CDH7: variants seen among roughly 807,000 people sequenced by gnomAD.
CDH7 encodes cadherin-7.
CDH7 carries 25 observed loss-of-function variants against 71.8 expected under a neutral mutation model. That is an observed-to-expected ratio of 0.35 (90% CI 0.25 to 0.49). The LOEUF (loss-of-function observed/expected upper bound fraction) is 0.49, where lower values mean the gene tolerates loss of function less well. Among genes scored for constraint, CDH7 ranks in the 20% least tolerant of loss-of-function variants. CDH7 has a pLI of 0.99. For synonymous variants in CDH7, 381 were observed against 363.8 expected, an observed-to-expected ratio of 1.05 and a Z score of -0.54; for missense variants, 862 against 974.6, an observed-to-expected ratio of 0.88 and a Z score of 1.54.
chr18:65,752,918 G>A (rs1170908851), intron 1 of CDH7, among the ~76,000 whole-genome samples: 3 of 152,190 alleles, frequency 2.0e-5, no homozygotes, highest in Admixed American at 6.5e-5. Flanking sequence ...GGCTGCAAGA[G>A]GTCATTAGAA....
chr18:65,797,562 TG>T (rs1910962309), intron 2 of CDH7, among the ~76,000 whole-genome samples: 1 of 152,166 alleles, frequency 6.6e-6, no homozygotes, highest in Non-Finnish European at 1.5e-5. Context: ...TTAGGTCACC[TG>T]GGGCAGAGTA....
Position 65,886,268 on chromosome 18 carries a change from G to T in CDH7, c.*5374G>T, listed in dbSNP as rs146767913. On this transcript the variant is annotated 3_prime_UTR_variant, in exon 12 of 12. Coordinates refer to ENST00000397968, the MANE Select transcript of CDH7 (RefSeq NM_004361.5). ...GAAATAATGGGAATTATATAAAAAG[G>T]TTGATAATTGTTATATGGTAAACAG... is the stretch of plus-strand genomic sequence containing the variant. The T allele has an allele frequency of 2.6e-5, 4 of 152,238 alleles. No individual in the cohort carries two copies. Among genetic ancestry groups the T allele is most frequent in the Non-Finnish European group, 5.9e-5 (4 of 68,000 alleles). The allele number at this position is 152,238 out of a possible 1,614,324, so 9.4% of individuals were successfully genotyped here.
chr18:65,833,099 T>A (rs1455953491), intron 6 of CDH7, among the ~76,000 whole-genome samples: 1 of 152,196 alleles, frequency 6.6e-6, no homozygotes, highest in Non-Finnish European at 1.5e-5. Flanking sequence ...ATCCATACCC[T>A]ATGAAAGGCT....
intron 2 of CDH7, among the ~76,000 whole-genome samples, chr18:65,798,838 G>A (rs1308497693): frequency 6.6e-6 from 1 of 152,188 alleles, no homozygotes; most frequent in Non-Finnish European, 1.5e-5. Context: ...TAGCTGAGAT[G>A]TGTTGGCCAC....
intron 11 of CDH7, among the ~76,000 whole-genome samples, chr18:65,878,819 G>C (rs995566779): frequency 6.6e-6 from 1 of 152,126 alleles, no homozygotes; most frequent in Non-Finnish European, 1.5e-5. Context: ...AGCATGAGAA[G>C]GTGGCCAGAA....
intron 6 of CDH7, among the ~76,000 whole-genome samples, chr18:65,839,124 C>G (rs1912636805): frequency 1.3e-5 from 2 of 152,150 alleles, no homozygotes; most frequent in Non-Finnish European, 2.9e-5. Flanking sequence ...CATGTAGTAT[C>G]TGTGCTCTTT....
At chr18:65,861,339 T>TTG (rs949855579) in intron 10 of CDH7, among the ~76,000 whole-genome samples, 6 of 21,432 alleles carry the variant, frequency 2.8e-4, no homozygotes, top group African/African-American at 7.0e-4. Flanking sequence ...GTGTGTGTGT[T>TTG]TGTGTGTGTG....
chr18:65,814,774 ATATTT>A (rs1473117685), intron 4 of CDH7, among the ~76,000 whole-genome samples, 170 bp downstream of exon 4: 1 of 151,328 alleles, frequency 6.6e-6, no homozygotes. Flanking sequence ...CCTTTTAAAA[ATATTT>A]TATTTTATTC....
At chr18:65,805,831 T>A (rs1911297004) in intron 2 of CDH7, among the ~76,000 whole-genome samples, 1 of 152,172 alleles carries the variant, frequency 6.6e-6, no homozygotes, top group Admixed American at 6.5e-5. Context: ...AAACGTTTAA[T>A]GAGGGGTGTG....
intron 7 of CDH7, among the ~76,000 whole-genome samples, chr18:65,852,665 TTAGATA>T (rs1353631027): frequency 6.6e-6 from 1 of 152,078 alleles, no homozygotes; most frequent in Non-Finnish European, 1.5e-5. Context: ...TTTTCAAAAC[TTAGATA>T]TAAAGACATC....
chr18:65,853,906 CATATATATATATATATATATATAT>C lies in CDH7; in HGVS notation c.1236-3883_1236-3860del, dbSNP rs4047846. On this transcript the variant is annotated intron_variant, in intron 7 of 11. Coordinates refer to ENST00000397968, the MANE Select transcript of CDH7 (RefSeq NM_004361.5). ...AGGAAATGATAACATCATAAATTAC[CATATATATATATATATATATATAT>C]ATATATATATATATATATATATATA... Among the ~76,000 whole-genome samples, 136 of 34,206 alleles carry C rather than the reference CATATATATATATATATATATATAT, an allele frequency of 4.0e-3. 3 individuals carry two copies. Among genetic ancestry groups the C allele is most frequent in the East Asian group, 0.011 (4 of 352 alleles). 22.4% of individuals were successfully genotyped at this position (34,206 alleles called of 152,430 possible).
intron 2 of CDH7, among the ~76,000 whole-genome samples, chr18:65,771,214 C>CG (rs1411886529): frequency 6.6e-6 from 1 of 152,010 alleles, no homozygotes; most frequent in Non-Finnish European, 1.5e-5. Flanking sequence ...GGGAGGGTCA[C>CG]GACTCAGTTC....
rs542151406 is a variant in CDH7, at chr18:65,869,422, A to G, written c.1864+6505A>G. ...TACCAGACAGCTCTCATCCAGTTTG[A>G]CTTTATTTTTCTCTACTTACTTGGT... is the stretch of plus-strand genomic sequence containing the variant. On this transcript the variant is annotated intron_variant, in intron 11 of 11. Coordinates refer to ENST00000397968, the MANE Select transcript of CDH7 (RefSeq NM_004361.5). 9.5e-4 allele frequency among the ~76,000 whole-genome samples: 145 copies of G among 151,888 alleles called. 2 individuals carry two copies. The highest frequency in any genetic ancestry group is 1.5e-4 in the Non-Finnish European group (10 of 67,940).
chr18:65,779,087 T>C (rs1311526137), intron 2 of CDH7, among the ~76,000 whole-genome samples: 3 of 151,352 alleles, frequency 2.0e-5, no homozygotes, highest in Admixed American at 6.6e-5. Flanking sequence ...TGTTTGTTTT[T>C]TTTAATGGAA....
At chr18:65,794,567 G>T (rs1481250985) in intron 2 of CDH7, among the ~76,000 whole-genome samples, 3 of 151,682 alleles carry the variant, frequency 2.0e-5, no homozygotes, top group Non-Finnish European at 4.4e-5. Flanking sequence ...GTTGGGGGTC[G>T]GGAGCAAGGG....
intron 2 of CDH7, chr18:65,803,213 C>G (rs1911188779): frequency 6.6e-6 from 1 of 152,142 alleles, no homozygotes; most frequent in African/African-American, 2.4e-5. Context: ...CCTGGGGCTT[C>G]TTTGCATTGA....
chr18:65,792,001 G>A (rs1478963545), intron 2 of CDH7, among the ~76,000 whole-genome samples: 1 of 151,942 alleles, frequency 6.6e-6, no homozygotes, highest in Non-Finnish European at 1.5e-5. Flanking sequence ...TGCTTAGTAC[G>A]CTAATGTGTT....
At chr18:65,758,880 C>T (rs777079477) in intron 1 of CDH7, among the ~76,000 whole-genome samples, 2 of 152,150 alleles carry the variant, frequency 1.3e-5, no homozygotes, top group Admixed American at 6.5e-5. Context: ...CTACTTCAGT[C>T]GTAGATACTA....
intron 2 of CDH7, among the ~76,000 whole-genome samples, chr18:65,781,769 TCCTTCCTTC>T (rs1568181243): frequency 5.1e-5 from 4 of 78,812 alleles, no homozygotes; most frequent in African/African-American, 2.0e-4. Context: ...TTTCTTTCTT[TCCTTCCTTC>T]CTTCCTTCCT....
Sources: allele counts gnomAD v4.1 joint callset (sites outside exome capture counted in the v4.1 genomes callset), GRCh38; gene constraint gnomAD v4.1.1; transcripts MANE v1.5; gene names NCBI Gene and HGNC (gene_info 2026-07-23, HGNC 2026-07-21).